AK2: variants seen among roughly 807,000 people sequenced by gnomAD.
AK2 encodes adenylate kinase 2.
A neutral mutation model predicts 24.6 loss-of-function variants in AK2; 15 were observed. The ratio of observed to expected loss-of-function variants is 0.61; its 90% CI spans 0.41 to 0.94. AK2 has a LOEUF of 0.94. Ranked by LOEUF, AK2 falls within the 40% of genes least tolerant of loss-of-function variation. The probability of loss-of-function intolerance (pLI) is 0.00; values close to 1 mark genes in which losing one functional copy is unlikely to be tolerated. For missense variants in AK2, 257 were observed against 304.1 expected (o/e 0.85, Z 1.15); for synonymous variants, 102 against 114.0 (o/e 0.90, Z 0.67).
chr1:33,013,683 T>C (rs1298010163), intron 5 of AK2, among the ~76,000 whole-genome samples: 4 of 152,202 alleles, frequency 2.6e-5, no homozygotes, highest in African/African-American at 9.6e-5. Flanking sequence ...TTTCTCATCT[T>C]TGTGCTCAGG....
In AK2 at chr1:33,036,876, C is replaced by CT; in HGVS notation, c.-49_-48insA. 1 of 1,481,516 alleles carries CT rather than the reference C, an allele frequency of 6.7e-7. No homozygotes were observed. Among genetic ancestry groups the CT allele is most frequent in the Non-Finnish European group, 9.2e-7 (1 of 1,082,484 alleles). 91.8% of individuals were successfully genotyped at this position (1,481,516 alleles called of 1,614,324 possible). ...CACCAGTTCGCACGCCTCACAGGTC[C>CT]AGTGCTTCCCAGGTCAACGCACGCA... On this transcript the variant is annotated 5_prime_UTR_variant, in exon 1 of 6. Coordinates refer to ENST00000672715, the MANE Select transcript of AK2 (RefSeq NM_001625.4).
At chr1:33,032,256 A>C (rs1640283512) in intron 1 of AK2, 1 of 153,078 alleles carries the variant, frequency 6.5e-6, no homozygotes, top group African/African-American at 2.4e-5. Flanking sequence ...TGCAGGGGAC[A>C]GGAAGACACA....
intron 4 of AK2, among the ~76,000 whole-genome samples, chr1:33,018,741 C>G (rs1004700680): frequency 3.3e-5 from 5 of 152,156 alleles, no homozygotes; most frequent in East Asian, 3.9e-4. Context: ...TCTCTCTGTT[C>G]TCTCCCACCC....
At position 33,036,859 on chromosome 1, in the gene AK2, C is replaced by A. The variant is rs371700107; in HGVS notation, c.-31G>T. The A allele has an allele frequency of 6.4e-7, 1 of 1,552,302 alleles. No homozygotes were observed. The highest frequency in any genetic ancestry group is 1.2e-5 in the South Asian group (1 of 85,274). On this transcript the variant is annotated 5_prime_UTR_variant, in exon 1 of 6. Coordinates refer to ENST00000672715, the MANE Select transcript of AK2 (RefSeq NM_001625.4). ...CCGAAGTCTCTCACTGCCACCAGTT[C>A]GCACGCCTCACAGGTCCAGTGCTTC...
In AK2 at chr1:33,008,122, C is replaced by A. The variant is rs1373709534; in HGVS notation, c.*5059G>T. On this transcript the variant is annotated 3_prime_UTR_variant, in exon 6 of 6. Coordinates refer to ENST00000672715, the MANE Select transcript of AK2 (RefSeq NM_001625.4). Reference sequence around the variant, plus strand: ...TCCGGATGGTCAGTAAGACAACTTTCTTCAATGCCTACATTTTCCCTCTGA... The same window carrying A: ...TCCGGATGGTCAGTAAGACAACTTTATTCAATGCCTACATTTTCCCTCTGA... 4.4e-6 allele frequency: 2 copies of A among 454,018 alleles called. No homozygotes were observed. The highest frequency in any genetic ancestry group is 4.0e-5 in the African/African-American group (2 of 49,996). 28.1% of individuals were successfully genotyped at this position (454,018 alleles called of 1,614,324 possible).
Position 33,010,418 on chromosome 1 carries a change from C to G in AK2, c.*2763G>C, listed in dbSNP as rs539603457. 11 of 507,510 alleles carry G rather than the reference C, an allele frequency of 2.2e-5. No individual in the cohort carries two copies. Among genetic ancestry groups the G allele is most frequent in the Non-Finnish European group, 1.9e-5 (5 of 262,652 alleles). The allele number at this position is 507,510 out of a possible 1,614,324, so 31.4% of individuals were successfully genotyped here. A position where few individuals can be genotyped will look rare whatever the true frequency, so the allele number is the denominator to read the frequency against. ...CTCCCTGTTCCAAGCTATAGACAGA[C>G]AGGACAACAATTTGATTTCCTGTAC... is the stretch of plus-strand genomic sequence containing the variant. On this transcript the variant is annotated 3_prime_UTR_variant, in exon 6 of 6. Transcript: ENST00000672715.
At position 33,012,058 on chromosome 1, in the gene AK2, A is replaced by T. The variant is rs1218687588; in HGVS notation, c.*1123T>A. The T allele has an allele frequency of 6.5e-7, 1 of 1,535,456 alleles. No individual in the cohort carries two copies. The highest frequency in any genetic ancestry group is 1.2e-5 in the South Asian group (1 of 84,056). ...AAACACAGGCAAACATTAAAAATAA[A>T]AGCAAATAAACCTACCCTGGTCTCT... On this transcript the variant is annotated 3_prime_UTR_variant, in exon 6 of 6. Transcript: ENST00000672715.
chr1:33,020,109 T>C (rs1440334298), intron 4 of AK2: 2 of 1,535,222 alleles, frequency 1.3e-6, no homozygotes, highest in African/African-American at 2.7e-5. Flanking sequence ...TAAAGCAGTG[T>C]TGGTCTGTCA....
chr1:33,018,508 A>G (rs1427870838), intron 4 of AK2, among the ~76,000 whole-genome samples: 1 of 152,138 alleles, frequency 6.6e-6, no homozygotes, highest in East Asian at 1.9e-4. Context: ...TCTTCTAACC[A>G]TCAACATTTT....
intron 4 of AK2, chr1:33,019,618 T>C (rs1557619494): frequency 7.1e-6 from 7 of 987,246 alleles, no homozygotes; most frequent in Non-Finnish European, 6.0e-6. Context: ...TCCAGGATAA[T>C]AGTGCTAACC....
chr1:33,010,581 C>T lies in AK2; in HGVS notation c.*2600G>A. The T allele has an allele frequency of 2.1e-6, 2 of 937,158 alleles. No homozygotes were observed. Among genetic ancestry groups the T allele is most frequent in the South Asian group, 2.8e-5 (2 of 71,164 alleles). 58.1% of individuals were successfully genotyped at this position (937,158 alleles called of 1,614,324 possible). A position where few individuals can be genotyped will look rare whatever the true frequency, so the allele number is the denominator to read the frequency against. On this transcript the variant is annotated 3_prime_UTR_variant, in exon 6 of 6. Coordinates refer to ENST00000672715, the MANE Select transcript of AK2 (RefSeq NM_001625.4). ...AATATTGTGTCTATTTCTACCCCCACCCTCCAAGCATGGTGTTTTTTAAAA... is the reference window on the plus strand; with the variant it reads ...AATATTGTGTCTATTTCTACCCCCATCCTCCAAGCATGGTGTTTTTTAAAA...
In AK2 at chr1:33,013,419, A is replaced by G. The variant is rs770582982; in HGVS notation, c.499-17T>C. ...CCCGGTGATCTGAGAACAGGAAGAC[A>G]GCAATGAAAGGCTGGGACTGTTAGC... On this transcript the variant is annotated splice_polypyrimidine_tract_variant and intron_variant, in intron 5 of 5. Coordinates refer to ENST00000672715, the MANE Select transcript of AK2 (RefSeq NM_001625.4). 12 of 1,609,504 alleles carry G rather than the reference A, an allele frequency of 7.5e-6. No individual in the cohort carries two copies. The South Asian group carries it at 1.2e-4, about 16-fold the overall frequency.
chr1:33,021,366 C>T lies in AK2; in HGVS notation c.425+1G>A, dbSNP rs369666165. Reference sequence around the variant, plus strand: ...AAAAGGGACCTTCAAGGGACAAATACCTTCCTGTGATTCTTCGGATCAGCA... The same window carrying T: ...AAAAGGGACCTTCAAGGGACAAATATCTTCCTGTGATTCTTCGGATCAGCA... On this transcript the variant is annotated splice_donor_variant, in intron 4 of 5. Transcript: ENST00000672715. LOFTEE classifies it high-confidence loss of function. 5.0e-6 allele frequency: 8 copies of T among 1,613,616 alleles called. No homozygotes were observed. The highest frequency in any genetic ancestry group is 2.7e-5 in the African/African-American group (2 of 74,896).
intron 1 of AK2, among the ~76,000 whole-genome samples, chr1:33,030,681 A>C (rs1181400194): frequency 6.6e-6 from 1 of 152,244 alleles, no homozygotes; most frequent in Non-Finnish European, 1.5e-5. Context: ...CTTAGTATGT[A>C]TAATACATAA....
At chr1:33,016,587 T>C (rs1386816761) in intron 4 of AK2, among the ~76,000 whole-genome samples, 1 of 152,062 alleles carries the variant, frequency 6.6e-6, no homozygotes, top group Non-Finnish European at 1.5e-5. Flanking sequence ...CATAGTTCAC[T>C]GTAACCACAA....
Position 33,010,635 on chromosome 1 carries a change from C to T in AK2, c.*2546G>A. On this transcript the variant is annotated 3_prime_UTR_variant, in exon 6 of 6. Coordinates refer to ENST00000672715, the MANE Select transcript of AK2 (RefSeq NM_001625.4). ...TAATTTTTCCCTTACACTTTAAAAA[C>T]TCTCACCTATGTATAAAAGAAACTG... 5 of 1,476,298 alleles carry T rather than the reference C, an allele frequency of 3.4e-6. No homozygotes were observed. The highest frequency in any genetic ancestry group is 4.6e-6 in the Non-Finnish European group (5 of 1,081,202). 91.4% of individuals were successfully genotyped at this position (1,476,298 alleles called of 1,614,324 possible). A position where few individuals can be genotyped will look rare whatever the true frequency, so the allele number is the denominator to read the frequency against.
intron 1 of AK2, among the ~76,000 whole-genome samples, chr1:33,034,483 CACACATAT>C (rs1415392075): frequency 8.8e-5 from 13 of 146,980 alleles, no homozygotes; most frequent in African/African-American, 3.0e-4. Flanking sequence ...CACACACACA[CACACATAT>C]ATCATAATTT....
intron 1 of AK2, among the ~76,000 whole-genome samples, chr1:33,033,827 C>G (rs3766810): frequency 0.27 from 41,334 of 152,026 alleles, 5,863 homozygotes; most frequent in Admixed American, 0.38. Flanking sequence ...TATGAGATGT[C>G]TCTGCAGGCT....
chr1:33,011,287 C>T lies in AK2; in HGVS notation c.*1894G>A. 2 of 1,292,798 alleles carry T rather than the reference C, an allele frequency of 1.5e-6. No homozygotes were observed. The highest frequency in any genetic ancestry group is 2.0e-6 in the Non-Finnish European group (2 of 992,682). 80.1% of individuals were successfully genotyped at this position (1,292,798 alleles called of 1,614,324 possible). On this transcript the variant is annotated 3_prime_UTR_variant, in exon 6 of 6. Coordinates refer to ENST00000672715, the MANE Select transcript of AK2 (RefSeq NM_001625.4). ...CCAGAGAAGGATCCCAGACCAGGCA[C>T]ACATAGCTGACAGTTTTTGTTTCAC...
Sources: gnomAD v4.1 joint callset for allele counts (sites outside exome capture counted in the v4.1 genomes callset) on GRCh38, gnomAD v4.1.1 for gene constraint, MANE v1.5 for transcripts, NCBI Gene and HGNC (gene_info 2026-07-23, HGNC 2026-07-21) for gene names.